KLRG1: variants seen among roughly 807,000 people sequenced by gnomAD.
KLRG1 encodes the protein killer cell lectin-like receptor subfamily G member 1.
Under a neutral mutation model 21.8 loss-of-function variants are expected in KLRG1, and 16 were observed. The ratio of observed to expected loss-of-function variants is 0.73; its 90% CI spans 0.50 to 1.11. KLRG1 has a LOEUF of 1.11. KLRG1 is among the 50% of genes most tolerant of loss of function. The pLI, the probability that KLRG1 is intolerant of heterozygous loss-of-function variation, is 0.00. For synonymous variants in KLRG1, 69 were observed against 75.9 expected (o/e 0.91, Z 0.47); for missense variants, 173 against 218.3 (o/e 0.79, Z 1.31).
the KLRG1 span, among the ~76,000 whole-genome samples, chr12:9,211,519 CTG>C: frequency 6.6e-6 from 1 of 151,928 alleles, no homozygotes; most frequent in African/African-American, 2.4e-5. Context: ...AGTTGTCTAT[CTG>C]TGTTTTCTTG....
chr12:9,119,521 G>C, the KLRG1 span, among the ~76,000 whole-genome samples: 13 of 152,278 alleles, frequency 8.5e-5, no homozygotes, highest in African/African-American at 2.9e-4. Context: ...TGAGGAACTA[G>C]AGCCAGTTTG....
rs753634408 is a variant in KLRG1 at position 9,008,608 on chromosome 12, A to AAGCAAGG, written c.358-367_358-366insAGCAAGG. 4.3e-3 allele frequency among the ~76,000 whole-genome samples: 658 copies of AAGCAAGG among 152,304 alleles called. 4 individuals are homozygous for AAGCAAGG. Among genetic ancestry groups the AAGCAAGG allele is most frequent in the African/African-American group, 0.015 (620 of 41,562 alleles). ...GTTCTCTGGCTCCTGGTGAGGACCT[A>AAGCAAGG]CTTCTGGCTTGCACATGGCTGCCTT... On this transcript the variant is annotated intron_variant, in intron 3 of 4. Coordinates refer to ENST00000356986, the MANE Select transcript of KLRG1 (RefSeq NM_005810.4).
At chr12:9,143,725 A>C in the KLRG1 span, among the ~76,000 whole-genome samples, 1 of 152,124 alleles carries the variant, frequency 6.6e-6, no homozygotes, top group South Asian at 2.1e-4. Flanking sequence ...TCTAATTTGC[A>C]CTGGGGCCCG....
downstream of KLRG1, among the ~76,000 whole-genome samples, chr12:9,013,326 C>T (rs2137465957): frequency 6.6e-6 from 1 of 152,246 alleles, no homozygotes; most frequent in East Asian, 1.9e-4. Context: ...AATAAACATC[C>T]ACAAGCATCA....
At chr12:9,213,771 G>A in the KLRG1 span, among the ~76,000 whole-genome samples, 3 of 152,012 alleles carry the variant, frequency 2.0e-5, no homozygotes, top group Admixed American at 2.0e-4. Context: ...ATTTACTCCT[G>A]TTCTGTGGGT....
chr12:9,146,065 T>G, the KLRG1 span, among the ~76,000 whole-genome samples: 63 of 152,312 alleles, frequency 4.1e-4, no homozygotes, highest in Middle Eastern at 3.4e-3. Flanking sequence ...TCCATTTCCT[T>G]TTTCAGGTTG....
At chr12:9,085,686 G>A in the KLRG1 span, among the ~76,000 whole-genome samples, 153 of 151,486 alleles carry the variant, frequency 1.0e-3, 2 homozygotes, top group South Asian at 0.03. Flanking sequence ...ATAGAGACTA[G>A]AAAAAGAATA....
At chr12:9,036,429 T>G in the KLRG1 span, 42 of 170,402 alleles carry the variant, frequency 2.5e-4, no homozygotes, top group Non-Finnish European at 4.4e-4. Flanking sequence ...GCCAGAGATA[T>G]TTTTAACAAA....
chr12:9,142,515 ACGTGAAC>A, the KLRG1 span, among the ~76,000 whole-genome samples: 1 of 152,242 alleles, frequency 6.6e-6, no homozygotes, highest in African/African-American at 2.4e-5. Context: ...GATTAAAGTC[ACGTGAAC>A]TGAAAGGTCC....
chr12:9,149,614 C>T, the KLRG1 span: 44 of 1,611,748 alleles, frequency 2.7e-5, no homozygotes, highest in Non-Finnish European at 3.6e-5. Context: ...TGAAAGATAA[C>T]GTTGGGTGAA....
At chr12:9,149,932 T>C in the KLRG1 span, among the ~76,000 whole-genome samples, 2 of 152,150 alleles carry the variant, frequency 1.3e-5, no homozygotes, top group African/African-American at 4.8e-5. Flanking sequence ...CCTTAATTAC[T>C]TTTCAAAGAT....
chr12:9,143,021 A>G, the KLRG1 span, among the ~76,000 whole-genome samples: 4 of 152,266 alleles, frequency 2.6e-5, no homozygotes, highest in Non-Finnish European at 5.9e-5. Context: ...AACAAGATTT[A>G]TGAAGAGAAA....
chr12:9,131,023 C>T, the KLRG1 span, among the ~76,000 whole-genome samples: 3 of 152,130 alleles, frequency 2.0e-5, no homozygotes, highest in East Asian at 1.9e-4. Flanking sequence ...TTCCCAACAC[C>T]GTTTGTTGAG....
At chr12:9,213,358 G>A in the KLRG1 span, among the ~76,000 whole-genome samples, 1 of 152,138 alleles carries the variant, frequency 6.6e-6, no homozygotes, top group Admixed American at 6.5e-5. Context: ...GAATCTGTGG[G>A]TCATATGGTA....
chr12:9,041,085 T>A, the KLRG1 span, among the ~76,000 whole-genome samples: 1 of 152,158 alleles, frequency 6.6e-6, no homozygotes, highest in African/African-American at 2.4e-5. Flanking sequence ...CCTGTAATCT[T>A]AGCACTTTGG....
At chr12:9,083,179 G>C in the KLRG1 span, among the ~76,000 whole-genome samples, 1 of 152,082 alleles carries the variant, frequency 6.6e-6, no homozygotes, top group African/African-American at 2.4e-5. Flanking sequence ...TCATAGGTGG[G>C]AATTGAACAA....
At chr12:9,144,177 GAGAGAGAGAC>G in the KLRG1 span, among the ~76,000 whole-genome samples, 458 of 152,202 alleles carry the variant, frequency 3.0e-3, 2 homozygotes, top group African/African-American at 9.8e-3. Flanking sequence ...GAGAGAGAGA[GAGAGAGAGAC>G]AGAGAGAGAC....
the KLRG1 span, chr12:9,157,206 C>T: frequency 6.2e-7 from 1 of 1,613,944 alleles, no homozygotes; most frequent in Non-Finnish European, 8.5e-7. Flanking sequence ...CAAGTGAGTT[C>T]AGTATTTCTC....
the KLRG1 span, among the ~76,000 whole-genome samples, chr12:9,091,761 G>T: frequency 6.6e-6 from 1 of 152,172 alleles, no homozygotes; most frequent in Non-Finnish European, 1.5e-5. Context: ...CTACTATTGT[G>T]TATAGTGGGC....
Sources: allele counts gnomAD v4.1 joint callset (sites outside exome capture counted in the v4.1 genomes callset), GRCh38; gene constraint gnomAD v4.1.1; transcripts MANE v1.5; gene names NCBI Gene and HGNC (gene_info 2026-07-23, HGNC 2026-07-21).